Variants in CCDC85A observed in about 807,000 individuals in gnomAD.
CCDC85A encodes the protein coiled-coil domain containing 85A.
In CCDC85A, 38 loss-of-function variants were observed where a neutral mutation model predicts 50.2. That is an observed-to-expected ratio of 0.76 (90% CI 0.58 to 0.99). CCDC85A has a LOEUF of 0.99. CCDC85A is among the 50% of genes least tolerant of loss of function. The probability of loss-of-function intolerance (pLI) is 0.00; values close to 1 mark genes in which losing one functional copy is unlikely to be tolerated. For missense variants in CCDC85A, 820 were observed against 742.0 expected, an observed-to-expected ratio of 1.11 and a Z score of -1.22; for synonymous variants, 366 against 301.4, an observed-to-expected ratio of 1.21 and a Z score of -2.22.
intron 2 of CCDC85A, among the ~76,000 whole-genome samples, chr2:56,327,481 A>G (rs566516065): frequency 2.6e-5 from 4 of 152,156 alleles, no homozygotes; most frequent in African/African-American, 9.6e-5. Context: ...TTCCTTGTGT[A>G]TATGTTCAGT....
At chr2:56,252,239 G>A (rs1385708117) in intron 2 of CCDC85A, among the ~76,000 whole-genome samples, 1 of 151,848 alleles carries the variant, frequency 6.6e-6, no homozygotes, top group African/African-American at 2.4e-5. Context: ...GTAGAGACAG[G>A]GTTTCCCTGT....
chr2:56,345,421 G>T (rs1237594983), intron 3 of CCDC85A, among the ~76,000 whole-genome samples: 4 of 152,258 alleles, frequency 2.6e-5, no homozygotes, highest in African/African-American at 9.6e-5. Flanking sequence ...TTATTTACTT[G>T]TCAAAGTAAT....
intron 2 of CCDC85A, among the ~76,000 whole-genome samples, chr2:56,198,342 G>A (rs1451635751): frequency 2.0e-5 from 3 of 152,190 alleles, no homozygotes; most frequent in African/African-American, 7.2e-5. Context: ...TTACAGTTAT[G>A]GAACACCAGA....
upstream of CCDC85A, chr2:56,183,956 G>A (rs1039386052): frequency 3.0e-5 from 30 of 985,218 alleles, no homozygotes; most frequent in Non-Finnish European, 3.6e-5. Context: ...CCAGCTCCAG[G>A]CTCCTCCTCC....
intron 2 of CCDC85A, among the ~76,000 whole-genome samples, chr2:56,245,575 A>G (rs1669464742): frequency 6.6e-6 from 1 of 152,116 alleles, no homozygotes; most frequent in Admixed American, 6.5e-5. Context: ...TAGTTGTCAC[A>G]TTTGGTGTTC....
At chr2:56,366,907 C>G (rs910970587) in intron 3 of CCDC85A, among the ~76,000 whole-genome samples, 3 of 152,054 alleles carry the variant, frequency 2.0e-5, no homozygotes, top group African/African-American at 7.2e-5. Flanking sequence ...TCTCTTTTAT[C>G]TTTTTATCTA....
At chr2:56,252,804 C>G (rs1669824590) in intron 2 of CCDC85A, among the ~76,000 whole-genome samples, 1 of 152,056 alleles carries the variant, frequency 6.6e-6, no homozygotes, top group South Asian at 2.1e-4. Flanking sequence ...GTTTGGTTTT[C>G]TGTTCTTGTG....
intron 5 of CCDC85A, among the ~76,000 whole-genome samples, chr2:56,381,525 C>T (rs1356630983): frequency 6.6e-6 from 1 of 151,990 alleles, no homozygotes; most frequent in Non-Finnish European, 1.5e-5. Context: ...GGTAAGAACC[C>T]GAACACTCTA....
chr2:56,379,782 A>G, intron 5 of CCDC85A: 1 of 984,920 alleles, frequency 1.0e-6, no homozygotes, highest in East Asian at 1.1e-4. Flanking sequence ...TAGATCGTCA[A>G]CAGGGTAAAG....
rs545976510 is a variant in CCDC85A at position 56,385,041 on chromosome 2, T to C, written c.*686T>C. 1 of 152,352 alleles carries C rather than the reference T, an allele frequency of 6.6e-6. No homozygotes were observed. The highest frequency in any genetic ancestry group is 1.5e-5 in the Non-Finnish European group (1 of 67,838). The allele number at this position is 152,352 out of a possible 1,614,324, so 9.4% of individuals were successfully genotyped here. A position where few individuals can be genotyped will look rare whatever the true frequency, so the allele number is the denominator to read the frequency against. ...AGTACCATTTACTTCAATTGATCAA[T>C]ATAAATATATCTTTTTTTTTCATCT... On this transcript the variant is annotated 3_prime_UTR_variant, in exon 6 of 6. Transcript: ENST00000407595.
At chr2:56,366,530 T>C (rs891420695) in intron 3 of CCDC85A, among the ~76,000 whole-genome samples, 1 of 152,236 alleles carries the variant, frequency 6.6e-6, no homozygotes, top group Non-Finnish European at 1.5e-5. Flanking sequence ...ATAAATCCTT[T>C]GCTATTTGTA....
At chr2:56,328,673 A>G (rs1573269040) in intron 2 of CCDC85A, among the ~76,000 whole-genome samples, 2 of 152,088 alleles carry the variant, frequency 1.3e-5, no homozygotes, top group South Asian at 4.1e-4. Context: ...CCATTGCATG[A>G]TATTCGTTCA....
Position 56,184,356 on chromosome 2 carries a change from C to G in CCDC85A, c.-269C>G. The G allele has an allele frequency of 2.0e-6, 1 of 493,304 alleles. No individual in the cohort carries two copies. The highest frequency in any genetic ancestry group is 5.1e-5 in the East Asian group (1 of 19,536). 30.6% of individuals were successfully genotyped at this position (493,304 alleles called of 1,614,324 possible). On this transcript the variant is annotated 5_prime_UTR_variant, in exon 1 of 6. Coordinates refer to ENST00000407595, the MANE Select transcript of CCDC85A (RefSeq NM_001080433.2). Reference sequence around the variant, plus strand: ...CCCCGGGCTCCCCAGTGCCCCTCACCATGGACTTGCGCGGAGTTGGGACGG... The same window carrying G: ...CCCCGGGCTCCCCAGTGCCCCTCACGATGGACTTGCGCGGAGTTGGGACGG...
chr2:56,214,775 C>T (rs1431094308), intron 2 of CCDC85A, among the ~76,000 whole-genome samples: 1 of 151,894 alleles, frequency 6.6e-6, no homozygotes, highest in Non-Finnish European at 1.5e-5. Context: ...GTCTTGATTA[C>T]TGTAGTTTGA....
intron 2 of CCDC85A, among the ~76,000 whole-genome samples, chr2:56,239,119 A>G (rs939511761): frequency 2.0e-5 from 3 of 152,078 alleles, no homozygotes; most frequent in East Asian, 3.9e-4. Flanking sequence ...AAGAGAGAGG[A>G]GTATACTTTT....
intron 5 of CCDC85A, among the ~76,000 whole-genome samples, chr2:56,380,625 TA>T (rs149570361): frequency 4.7e-5 from 7 of 148,382 alleles, no homozygotes; most frequent in African/African-American, 1.8e-4. Flanking sequence ...GAGACCACAG[TA>T]AAAAAATAAA....
intron 5 of CCDC85A, chr2:56,383,456 T>G (rs942260742): frequency 1.8e-5 from 5 of 271,458 alleles, no homozygotes; most frequent in African/African-American, 1.1e-4. Flanking sequence ...TGATGTATTA[T>G]TGGTGAATTC....
intron 2 of CCDC85A, among the ~76,000 whole-genome samples, chr2:56,293,177 C>G (rs1240415088): frequency 6.6e-6 from 1 of 152,156 alleles, no homozygotes; most frequent in Non-Finnish European, 1.5e-5. Flanking sequence ...ACCAGATGTA[C>G]TTGTTACAAC....
chr2:56,199,337 A>G (rs1357634055), intron 2 of CCDC85A, among the ~76,000 whole-genome samples: 2 of 152,188 alleles, frequency 1.3e-5, no homozygotes, highest in African/African-American at 4.8e-5. Flanking sequence ...TAGGGATGTT[A>G]GTCGATCTCC....
Sources: allele counts gnomAD v4.1 joint callset (sites outside exome capture counted in the v4.1 genomes callset), GRCh38; gene constraint gnomAD v4.1.1; transcripts MANE v1.5; gene names NCBI Gene and HGNC (gene_info 2026-07-23, HGNC 2026-07-21).